The following MYO10 variants were observed in gnomAD, a reference collection of about 807,000 sequenced individuals.
MYO10 encodes unconventional myosin-X.
In MYO10, 133 loss-of-function variants were observed where a neutral mutation model predicts 257.3. That is an observed-to-expected ratio of 0.52 (90% CI 0.45 to 0.60). The LOEUF (loss-of-function observed/expected upper bound fraction) is 0.60, where lower values mean the gene tolerates loss of function less well. MYO10 is among the 20% of genes least tolerant of loss of function. MYO10 has a pLI of 0.00. For synonymous variants in MYO10, 1,104 were observed against 1,028.6 expected (o/e 1.07, Z -1.40); for missense variants, 2,399 against 2,635.7 (o/e 0.91, Z 1.97).
intron 2 of MYO10, among the ~76,000 whole-genome samples, chr5:16,869,788 G>A (rs888261744): frequency 1.3e-5 from 2 of 151,006 alleles, no homozygotes; most frequent in Non-Finnish European, 2.9e-5. Context: ...TCGCTTGAAC[G>A]CAGGAGACAA....
chr5:16,757,700 T>G (rs1740576451), intron 18 of MYO10, among the ~76,000 whole-genome samples: 1 of 152,218 alleles, frequency 6.6e-6, no homozygotes, highest in African/African-American at 2.4e-5. Context: ...GGTCTTACGC[T>G]GTCACCCAGG....
At chr5:16,715,399 T>A (rs1003685878) in intron 19 of MYO10, among the ~76,000 whole-genome samples, 3 of 139,946 alleles carry the variant, frequency 2.1e-5, no homozygotes, top group African/African-American at 7.9e-5. Flanking sequence ...GAAATTTTTT[T>A]TTTTTTTTTT....
At chr5:16,933,866 A>G (rs747720374) in intron 1 of MYO10, among the ~76,000 whole-genome samples, 4 of 152,242 alleles carry the variant, frequency 2.6e-5, no homozygotes, top group Non-Finnish European at 4.4e-5. Flanking sequence ...ATACACATAC[A>G]TCACAAGATT....
At chr5:16,789,230 A>C (rs1741682036) in intron 4 of MYO10, among the ~76,000 whole-genome samples, 2 of 152,364 alleles carry the variant, frequency 1.3e-5, no homozygotes, top group South Asian at 4.1e-4. Context: ...GGCAGAGTTG[A>C]TTAGTTGCAA....
At chr5:16,672,056 A>G (rs1489312096) in intron 37 of MYO10, among the ~76,000 whole-genome samples, 1 of 152,210 alleles carries the variant, frequency 6.6e-6, no homozygotes, top group Non-Finnish European at 1.5e-5. Context: ...GCACTTTGGG[A>G]GGCCCAGGTG....
Position 16,674,919 on chromosome 5 carries a change from G to T in MYO10, c.4898C>A (p.Thr1633Lys), listed in dbSNP as rs1736654506. 6.2e-7 allele frequency: 1 copy of T among 1,614,004 alleles called. No individual in the cohort carries two copies. The highest frequency in any genetic ancestry group is 8.5e-7 in the Non-Finnish European group (1 of 1,179,886). The change falls in exon 35 of 41, where the codon ACA (threonine) becomes AAA (lysine). Residue 1633 changes from threonine (T) to lysine (K), a missense_variant. By Grantham distance (78) the Thr-to-Lys change is moderately conservative. Transcript: ENST00000513610. The part of the protein sequence containing the change: ...VGNLYSWQIL[T>K]CLSCTFLPSR... ...CGGCAGGAAGGTGCAGCTCAGGCAT[G>T]TCAGGATCTGCCAGCTGTACAGGTT...
chr5:16,750,630 T>A (rs1487645378), intron 19 of MYO10, among the ~76,000 whole-genome samples: 1 of 152,218 alleles, frequency 6.6e-6, no homozygotes, highest in East Asian at 1.9e-4. Context: ...GTTGTTCCAA[T>A]GCTACAGGTC....
At chr5:16,859,307 C>T (rs548743613) in intron 2 of MYO10, among the ~76,000 whole-genome samples, 1 of 152,204 alleles carries the variant, frequency 6.6e-6, no homozygotes, top group Non-Finnish European at 1.5e-5. Flanking sequence ...GTAGCTGTGC[C>T]CTCATGTGGT....
At chr5:16,674,592 A>C (rs1736635645) in intron 35 of MYO10, among the ~76,000 whole-genome samples, 1 of 149,430 alleles carries the variant, frequency 6.7e-6, no homozygotes, top group African/African-American at 2.5e-5. Context: ...AATATAGAGC[A>C]GTGGTAATTA....
Position 16,886,945 on chromosome 5 carries a change from A to C in MYO10, c.22-9238T>G, listed in dbSNP as rs561350231. On this transcript the variant is annotated intron_variant, in intron 1 of 40. Transcript: ENST00000513610. ...AGACTCCATCTCCAAAAAAAAAAAA[A>C]AAAACAAAGCAAAAACAAAAAAACA... Among the ~76,000 whole-genome samples, 953 of 151,924 alleles carry C rather than the reference A, an allele frequency of 6.3e-3. 20 individuals are homozygous for C. Among genetic ancestry groups the C allele is most frequent in the African/African-American group, 0.021 (888 of 41,412 alleles).
chr5:16,846,732 G>T (rs1315780601), intron 2 of MYO10, among the ~76,000 whole-genome samples: 1 of 152,218 alleles, frequency 6.6e-6, no homozygotes, highest in Non-Finnish European at 1.5e-5. Context: ...ACATCCCTAA[G>T]CAGGCTCATA....
chr5:16,902,638 T>G lies in MYO10; in HGVS notation c.22-24931A>C, dbSNP rs201438546. ...CGACCATTGTTCCTTCTTTTCTTTG[T>G]CATCTTGGAAGCATGGACCGGAGAG... On this transcript the variant is annotated intron_variant, in intron 1 of 40. Coordinates refer to ENST00000513610, the MANE Select transcript of MYO10 (RefSeq NM_012334.3). The G allele has an allele frequency of 4.8e-5, 71 of 1,464,098 alleles. No individual in the cohort carries two copies. In the African/African-American group the frequency reaches 9.4e-4, roughly 19 times the overall value. 90.7% of individuals were successfully genotyped at this position (1,464,098 alleles called of 1,614,324 possible).
intron 9 of MYO10, among the ~76,000 whole-genome samples, chr5:16,770,054 C>T (rs962717123): frequency 2.6e-5 from 4 of 152,060 alleles, no homozygotes; most frequent in Admixed American, 6.6e-5. Context: ...AGGCGTGAGC[C>T]ACCATGCCAA....
At chr5:16,709,297 C>T (rs76938421) in intron 21 of MYO10, among the ~76,000 whole-genome samples, 1,571 of 152,232 alleles carry the variant, frequency 0.01, 30 homozygotes, top group African/African-American at 0.036. Flanking sequence ...CTATCACCTG[C>T]GGGGGGCACA....
In MYO10 at chr5:16,764,413, A is replaced by G. The variant is rs1257689488; in HGVS notation, c.1180-17T>C. On this transcript the variant is annotated splice_polypyrimidine_tract_variant and intron_variant, in intron 11 of 40. Transcript: ENST00000513610. The stretch of plus-strand genomic sequence containing the variant: ...GTCTACTGCCTGTGGGAGAGAAACC[A>G]GCACAGACTCAGCTGACCCCGGGCA... The G allele has an allele frequency of 1.2e-6, 2 of 1,613,362 alleles. No homozygotes were observed. Among genetic ancestry groups the G allele is most frequent in the Non-Finnish European group, 1.7e-6 (2 of 1,179,642 alleles).
chr5:16,694,295 T>C, intron 27 of MYO10, 76 bp downstream of exon 27: 1 of 1,591,280 alleles, frequency 6.3e-7, no homozygotes, highest in Non-Finnish European at 8.6e-7. Flanking sequence ...GCAAGGAACT[T>C]GCACAGCATG....
chr5:16,762,049 C>G lies in MYO10; in HGVS notation c.1652G>C (p.Gly551Ala), dbSNP rs1467522823. Residue 551 changes from glycine (G) to alanine (A), a missense_variant, in exon 16 of 41, where the codon GGA becomes GCA. Around this residue, in one of 3 missense-constraint regions of MYO10, gnomAD observed 337 missense variants for 446.8 expected, o/e 0.75. Coordinates refer to ENST00000513610, the MANE Select transcript of MYO10 (RefSeq NM_012334.3). ...VNNFGVKHYA[G>A]EVQYDVRGIL... ...GGTATCTTAATAAAAAGTTACCTCT[C>G]CAGCATAGTGCTTCACTCCAAAATT... is the stretch of plus-strand genomic sequence containing the variant. 1 of 1,553,922 alleles carries G rather than the reference C, an allele frequency of 6.4e-7. No homozygotes were observed. The highest frequency in any genetic ancestry group is 2.3e-5 in the East Asian group (1 of 43,044).
At position 16,837,171 on chromosome 5, in the gene MYO10, G is replaced by A. The variant is rs146401318; in HGVS notation, c.121-19004C>T. Among the ~76,000 whole-genome samples, 8 of 152,152 alleles carry A rather than the reference G, an allele frequency of 5.3e-5. No homozygotes were observed. In the South Asian group the frequency reaches 6.2e-4, roughly 12 times the overall value. On this transcript the variant is annotated intron_variant, in intron 2 of 40. Coordinates refer to ENST00000513610, the MANE Select transcript of MYO10 (RefSeq NM_012334.3). Reference sequence around the variant, plus strand: ...ACTAAAAATACAAAATTAGCAGGGCGTGGTGGCAGAGGCCTGTAATCCCAG... The same window carrying A: ...ACTAAAAATACAAAATTAGCAGGGCATGGTGGCAGAGGCCTGTAATCCCAG...
In MYO10 at chr5:16,758,147, G is replaced by A. The variant is rs374278677; in HGVS notation, c.1819C>T (p.Arg607Trp). The A allele has an allele frequency of 3.1e-6, 5 of 1,613,070 alleles. No individual in the cohort carries two copies. The highest frequency in any genetic ancestry group is 4.5e-5 in the East Asian group (2 of 44,892). Residue 607 changes from arginine (R) to tryptophan (W), a missense_variant, in exon 18 of 41, where the codon CGG becomes TGG. By Grantham distance (101) the Arg-to-Trp change is moderately radical (BLOSUM62 -3). Around this residue, in one of 3 missense-constraint regions of MYO10, gnomAD observed 1,820 missense variants for 1,939.4 expected, o/e 0.94. Transcript: ENST00000513610. ...QDTLKCGSKH[R>W]RPTVSSQFKD... ...AACTGTGAGCTGACTGTAGGCCGCC[G>A]ATGTTTGCTTCCACATTTCAAGGTA...
Sources: gnomAD v4.1 joint callset for allele counts (sites outside exome capture counted in the v4.1 genomes callset) on GRCh38, gnomAD v4.1.1 for gene constraint, gnomAD v4.1.1 regional missense constraint, MANE v1.5 for transcripts, NCBI Gene and HGNC (gene_info 2026-07-23, HGNC 2026-07-21) for gene names.